The following SHANK2 variants were observed in gnomAD, a reference collection of about 807,000 sequenced individuals.
SHANK2 encodes SH3 and multiple ankyrin repeat domains 2, also known as SH3 and multiple ankyrin repeat domains protein 2.
In SHANK2, 43 loss-of-function variants were observed where a neutral mutation model predicts 133.7. The ratio of observed to expected loss-of-function variants is 0.32; its 90% CI spans 0.25 to 0.41. The LOEUF (loss-of-function observed/expected upper bound fraction) is 0.41, where lower values mean the gene tolerates loss of function less well. SHANK2 is among the 10% of genes least tolerant of loss of function. The pLI is 1.00. For synonymous variants in SHANK2, 1,017 were observed against 952.8 expected, an observed-to-expected ratio of 1.07 and a Z score of -1.24; for missense variants, 1,994 against 2,235.8, an observed-to-expected ratio of 0.89 and a Z score of 2.18.
At chr11:70,930,321 T>C (rs1555082272) in intron 10 of SHANK2, among the ~76,000 whole-genome samples, 2 of 152,148 alleles carry the variant, frequency 1.3e-5, no homozygotes, top group Non-Finnish European at 2.9e-5. Context: ...TGTCTCCTTT[T>C]GTCTGGATCC....
chr11:70,597,876 A>ACAAC (rs528520165), intron 17 of SHANK2, among the ~76,000 whole-genome samples: 127 of 152,274 alleles, frequency 8.3e-4, no homozygotes, highest in African/African-American at 2.9e-3. Flanking sequence ...CCATCTCAAA[A>ACAAC]CAACCAACCA....
Position 70,522,285 on chromosome 11 carries a change from C to T in SHANK2, c.2062-19354G>A, listed in dbSNP as rs532289061. Reference sequence around the variant, plus strand: ...CCTGCTGCGTGCATGGCTGAATGCACGGCTTAACCTCTATCTAGATTTGAT... The same window carrying T: ...CCTGCTGCGTGCATGGCTGAATGCATGGCTTAACCTCTATCTAGATTTGAT... On this transcript the variant is annotated intron_variant, in intron 17 of 25. Transcript: ENST00000601538. 2.6e-5 allele frequency among the ~76,000 whole-genome samples: 4 copies of T among 152,338 alleles called. No homozygotes were observed. The East Asian group carries it at 7.7e-4, about 29-fold the overall frequency.
At position 70,500,816 on chromosome 11, in the gene SHANK2, G is replaced by A. The variant is rs2059039833; in HGVS notation, c.2288-226C>T. 2.8e-6 allele frequency: 2 copies of A among 721,662 alleles called. No individual in the cohort carries two copies. The highest frequency in any genetic ancestry group is 2.6e-6 in the Non-Finnish European group (1 of 390,088). 44.7% of individuals were successfully genotyped at this position (721,662 alleles called of 1,614,324 possible). On this transcript the variant is annotated intron_variant, in intron 20 of 25. Coordinates refer to ENST00000601538, the MANE Select transcript of SHANK2 (RefSeq NM_012309.5). This position sits in a 1 kb window ranked among gnomAD's most constrained non-coding sequence, Gnocchi z 4.5. ...CAACTCTGTCCTGTCTGCCCTGCTC[G>A]TTAACCTACTGCCTGGCAGTGGAAA...
intron 11 of SHANK2, among the ~76,000 whole-genome samples, chr11:70,862,455 G>T (rs141380644): frequency 1.3e-5 from 2 of 152,238 alleles, no homozygotes; most frequent in East Asian, 3.9e-4. Context: ...AGTGCAATAC[G>T]TCAGTTGGTA....
At chr11:71,220,475 G>A (rs553643653) in intron 2 of SHANK2, among the ~76,000 whole-genome samples, 8 of 152,264 alleles carry the variant, frequency 5.3e-5, no homozygotes, top group African/African-American at 9.6e-5. Context: ...AGATATATCC[G>A]CACACCTATG....
chr11:70,948,990 C>G (rs1950794982), intron 10 of SHANK2, among the ~76,000 whole-genome samples: 1 of 152,144 alleles, frequency 6.6e-6, no homozygotes, highest in Non-Finnish European at 1.5e-5. Context: ...TTCTATCAAC[C>G]AAACGAGAGC....
At chr11:70,548,389 G>A (rs2059721750) in intron 17 of SHANK2, among the ~76,000 whole-genome samples, 1 of 152,196 alleles carries the variant, frequency 6.6e-6, no homozygotes. Context: ...TCTGCTTCTA[G>A]GGCTGCCTAG....
intron 10 of SHANK2, among the ~76,000 whole-genome samples, chr11:70,935,625 C>T (rs1464222152): frequency 6.6e-6 from 1 of 152,152 alleles, no homozygotes; most frequent in Non-Finnish European, 1.5e-5. Context: ...AACTGGGATG[C>T]TAACCTGTTA....
chr11:70,924,578 T>C (rs1259268936), intron 10 of SHANK2, among the ~76,000 whole-genome samples: 1 of 152,174 alleles, frequency 6.6e-6, no homozygotes, highest in Non-Finnish European at 1.5e-5. Flanking sequence ...TGCCTCAGCC[T>C]CCCGAGTAGC....
Position 70,539,527 on chromosome 11 carries a change from C to T in SHANK2, c.2062-36596G>A, listed in dbSNP as rs1000098321. 1.4e-4 allele frequency among the ~76,000 whole-genome samples: 19 copies of T among 136,130 alleles called. 1 individual carries two copies. The highest frequency in any genetic ancestry group is 4.7e-4 in the African/African-American group (18 of 38,128). The allele number at this position is 136,130 out of a possible 152,430, so 89.3% of individuals were successfully genotyped here. A position where few individuals can be genotyped will look rare whatever the true frequency, so the allele number is the denominator to read the frequency against. ...CCACGCTCACTCGCCACGCTCACCA[C>T]GCTCACTCGCCACGCTCACTCACCA... On this transcript the variant is annotated intron_variant, in intron 17 of 25. Coordinates refer to ENST00000601538, the MANE Select transcript of SHANK2 (RefSeq NM_012309.5).
At chr11:71,246,822 A>G (rs1555125052) in intron 1 of SHANK2, among the ~76,000 whole-genome samples, 1 of 152,168 alleles carries the variant, frequency 6.6e-6, no homozygotes, top group Admixed American at 6.5e-5. Context: ...GGCTTCAATT[A>G]AAACACCAAA....
At chr11:71,150,648 T>C (rs142921606) in intron 2 of SHANK2, among the ~76,000 whole-genome samples, 59 of 152,160 alleles carry the variant, frequency 3.9e-4, no homozygotes, top group African/African-American at 1.3e-3. Context: ...TGTGGCTTCA[T>C]GTCCAGCGCA....
Position 70,821,937 on chromosome 11 carries a change from C to T in SHANK2, c.1175-1255G>A, listed in dbSNP as rs558117416. On this transcript the variant is annotated intron_variant, in intron 11 of 25. Coordinates refer to ENST00000601538, the MANE Select transcript of SHANK2 (RefSeq NM_012309.5). Reference sequence around the variant, plus strand: ...CTCTAGACAGGGCCAGGCCCTCACTCTCCTCACTCAATGAGACCAGGGGCT... The same window carrying T: ...CTCTAGACAGGGCCAGGCCCTCACTTTCCTCACTCAATGAGACCAGGGGCT... Among the ~76,000 whole-genome samples, 4 of 152,338 alleles carry T rather than the reference C, an allele frequency of 2.6e-5. No individual in the cohort carries two copies. The East Asian group carries it at 7.7e-4, about 29-fold the overall frequency.
chr11:71,207,475 C>T (rs1416972825), intron 2 of SHANK2, among the ~76,000 whole-genome samples: 27 of 152,122 alleles, frequency 1.8e-4, no homozygotes, highest in African/African-American at 6.3e-4. Context: ...ACATCGTGCC[C>T]GGCCCATTTT....
chr11:71,063,435 C>G (rs897568557), intron 9 of SHANK2, among the ~76,000 whole-genome samples: 1 of 152,328 alleles, frequency 6.6e-6, no homozygotes, highest in African/African-American at 2.4e-5. Flanking sequence ...TCTGTGTACA[C>G]GTGTGTGAAC....
At chr11:70,698,647 T>C (rs1370319627) in intron 15 of SHANK2, 41 bp downstream of exon 15, 1 of 718,494 alleles carries the variant, frequency 1.4e-6, no homozygotes, top group Non-Finnish European at 2.6e-6. Context: ...GACGAACAGC[T>C]TTGACCAGAG....
chr11:70,617,460 A>G (rs2060764980), intron 17 of SHANK2, among the ~76,000 whole-genome samples: 2 of 150,022 alleles, frequency 1.3e-5, no homozygotes, highest in Admixed American at 6.7e-5. Flanking sequence ...AAACGCGAGG[A>G]ACGGAGTGGG....
At chr11:70,777,511 C>T (rs1555044175) in intron 14 of SHANK2, among the ~76,000 whole-genome samples, 1 of 151,720 alleles carries the variant, frequency 6.6e-6, no homozygotes, top group African/African-American at 2.4e-5. Context: ...TCCCACCTAC[C>T]TATCCATTCA....
intron 17 of SHANK2, among the ~76,000 whole-genome samples, chr11:70,592,729 C>G (rs1416977091): frequency 1.3e-5 from 2 of 152,186 alleles, no homozygotes; most frequent in African/African-American, 4.8e-5. Flanking sequence ...ATCATCTAAG[C>G]AACAGTGGCT....
Sources: allele counts gnomAD v4.1 joint callset (sites outside exome capture counted in the v4.1 genomes callset), GRCh38; gene constraint gnomAD v4.1.1; non-coding constraint Gnocchi (gnomAD v3.1); transcripts MANE v1.5; gene names NCBI Gene and HGNC (gene_info 2026-07-23, HGNC 2026-07-21).